Variants in COL14A1 observed in about 807,000 individuals in gnomAD.
COL14A1 encodes collagen type XIV alpha 1 chain.
A neutral mutation model predicts 230.3 loss-of-function variants in COL14A1; 136 were observed. The ratio of observed to expected loss-of-function variants is 0.59; its 90% CI spans 0.51 to 0.68. COL14A1 has a LOEUF of 0.68. Among genes scored for constraint, COL14A1 ranks in the 30% least tolerant of loss-of-function variants. The pLI, the probability that COL14A1 is intolerant of heterozygous loss-of-function variation, is 0.00. For synonymous variants in COL14A1, 792 were observed against 784.1 expected (o/e 1.01, Z -0.17); for missense variants, 1,976 against 2,215.8 (o/e 0.89, Z 2.17).
Position 120,228,773 on chromosome 8 carries a change from A to G in COL14A1, c.2197+4A>G, listed in dbSNP as rs1818170000. 6 of 1,613,258 alleles carry G rather than the reference A, an allele frequency of 3.7e-6. No homozygotes were observed. Among genetic ancestry groups the G allele is most frequent in the Non-Finnish European group, 5.1e-6 (6 of 1,179,340 alleles). ...CCTACCACATCTGTGACTTCAGGTAAGGTCAAATAGTAGCCTGCTTAACCA... is the reference window on the plus strand; with the variant it reads ...CCTACCACATCTGTGACTTCAGGTAGGGTCAAATAGTAGCCTGCTTAACCA... On this transcript the variant is annotated splice_donor_region_variant and intron_variant, in intron 18 of 47. Coordinates refer to ENST00000297848, the MANE Select transcript of COL14A1 (RefSeq NM_021110.4).
chr8:120,175,564 A>G (rs1161364859), intron 5 of COL14A1, among the ~76,000 whole-genome samples: 1 of 152,170 alleles, frequency 6.6e-6, no homozygotes, highest in East Asian at 1.9e-4. Context: ...GAAGTCAGCA[A>G]ACTATGGCCC....
At position 120,344,710 on chromosome 8, in the gene COL14A1, G is replaced by A. The variant is rs192006769; in HGVS notation, c.4889-665G>A. Among the ~76,000 whole-genome samples the A allele has an allele frequency of 5.5e-3, 834 of 152,234 alleles. 1 individual carries two copies. The highest frequency in any genetic ancestry group is 0.011 in the South Asian group (51 of 4,816). On this transcript the variant is annotated intron_variant, in intron 44 of 47. Coordinates refer to ENST00000297848, the MANE Select transcript of COL14A1 (RefSeq NM_021110.4). ...GTAAACTAGAAAATTCACTTATGTT[G>A]GGAAAACTCCTCTCCTAATGATGTT...
At chr8:120,359,183 C>A (rs1823097610) in intron 45 of COL14A1, among the ~76,000 whole-genome samples, 1 of 151,812 alleles carries the variant, frequency 6.6e-6, no homozygotes, top group Non-Finnish European at 1.5e-5. Flanking sequence ...AGGTTTTAAT[C>A]CCCGCATGCA....
chr8:120,160,084 G>A (rs77126746), intron 3 of COL14A1, among the ~76,000 whole-genome samples: 3,820 of 152,172 alleles, frequency 0.025, 56 homozygotes, highest in African/African-American at 0.039. Flanking sequence ...CCATGGTGGC[G>A]TACAGAAGTG....
intron 1 of COL14A1, among the ~76,000 whole-genome samples, chr8:120,138,001 A>T (rs1201291263): frequency 1.3e-5 from 2 of 152,062 alleles, no homozygotes; most frequent in East Asian, 3.9e-4. Context: ...TTTATGGCCC[A>T]GAATATGGCC....
chr8:120,273,459 G>T (rs1476987352), intron 26 of COL14A1, among the ~76,000 whole-genome samples: 1 of 151,506 alleles, frequency 6.6e-6, no homozygotes, highest in Non-Finnish European at 1.5e-5. Context: ...AGAACTAAAT[G>T]AAATTGAAAC....
intron 16 of COL14A1, 54 bp downstream of exon 16, chr8:120,226,820 C>A (rs1171890577): frequency 3.3e-6 from 5 of 1,530,670 alleles, no homozygotes; most frequent in African/African-American, 1.4e-5. Context: ...TGAATACCTA[C>A]TGCTGCTGGA....
At chr8:120,247,429 GA>G (rs10623652) in intron 20 of COL14A1, among the ~76,000 whole-genome samples, 183 bp from the exon 21 acceptor site, 11 of 149,774 alleles carry the variant, frequency 7.3e-5, no homozygotes, top group African/African-American at 2.7e-4. Context: ...TCTCAAAAAA[GA>G]AAAAAAAAAA....
chr8:120,147,006 C>T (rs2130461673), intron 1 of COL14A1, among the ~76,000 whole-genome samples: 1 of 152,012 alleles, frequency 6.6e-6, no homozygotes, highest in Non-Finnish European at 1.5e-5. Context: ...TTTTCCCCTC[C>T]AATTCTGCCT....
At chr8:120,370,408 T>G (rs1563762074) in intron 47 of COL14A1, 2 of 1,607,174 alleles carry the variant, frequency 1.2e-6, no homozygotes, top group Non-Finnish European at 1.7e-6. Flanking sequence ...CCCCAGACAT[T>G]TAGCTGTGGA....
At chr8:120,273,348 G>A (rs1015076343) in intron 26 of COL14A1, among the ~76,000 whole-genome samples, 2 of 151,530 alleles carry the variant, frequency 1.3e-5, no homozygotes, top group African/African-American at 4.8e-5. Flanking sequence ...GTCTGAAAAA[G>A]CACAAATTGG....
intron 35 of COL14A1, 27 bp from the exon 36 acceptor site, chr8:120,300,705 G>A: frequency 6.4e-7 from 1 of 1,571,158 alleles, no homozygotes; most frequent in Non-Finnish European, 8.7e-7. Context: ...GCATGCTAAT[G>A]GTTGTGCTTT....
Position 120,250,929 on chromosome 8 carries a change from T to C in COL14A1, c.2752+163T>C, listed in dbSNP as rs535477348. On this transcript the variant is annotated intron_variant, in intron 22 of 47. Coordinates refer to ENST00000297848, the MANE Select transcript of COL14A1 (RefSeq NM_021110.4). ...TTCAAGTGATTCTCCTGCCTCAGCC[T>C]CTCGAGTAGCTGGGATTACAGGCAC... Among the ~76,000 whole-genome samples, 140 of 152,314 alleles carry C rather than the reference T, an allele frequency of 9.2e-4. 1 individual carries two copies. Among genetic ancestry groups the C allele is most frequent in the African/African-American group, 3.2e-3 (134 of 41,584 alleles).
chr8:120,332,099 T>C (rs759754175), intron 40 of COL14A1, 42 bp from the exon 41 acceptor site: 6 of 1,595,722 alleles, frequency 3.8e-6, no homozygotes, highest in Non-Finnish European at 4.3e-6. Context: ...GAAAGCCATA[T>C]AAAGCAACCA....
intron 21 of COL14A1, among the ~76,000 whole-genome samples, chr8:120,248,142 A>T (rs1818819891): frequency 6.6e-6 from 1 of 152,124 alleles, no homozygotes; most frequent in Admixed American, 6.5e-5. Flanking sequence ...TACTTCTTGG[A>T]TTAGTTGGAA....
At position 120,328,410 on chromosome 8, in the gene COL14A1, T is replaced by C. The variant is rs575195829; in HGVS notation, c.4660-3731T>C. On this transcript the variant is annotated intron_variant, in intron 40 of 47. Coordinates refer to ENST00000297848, the MANE Select transcript of COL14A1 (RefSeq NM_021110.4). Reference sequence around the variant, plus strand: ...AATTTTTTTTTAATTTTTTTTTTTTTGGTAGAGATAGGGGTGTCTTTATGT... The same window carrying C: ...AATTTTTTTTTAATTTTTTTTTTTTCGGTAGAGATAGGGGTGTCTTTATGT... Among the ~76,000 whole-genome samples the C allele has an allele frequency of 1.3e-4, 20 of 151,394 alleles. No homozygotes were observed. The South Asian group carries it at 3.6e-3, about 27-fold the overall frequency.
intron 25 of COL14A1, among the ~76,000 whole-genome samples, chr8:120,267,434 C>T (rs1370500908): frequency 6.6e-6 from 1 of 151,878 alleles, no homozygotes; most frequent in Non-Finnish European, 1.5e-5. Context: ...TACATGATTG[C>T]TGCTCTCTGC....
At chr8:120,324,033 A>G (rs1821564017) in intron 40 of COL14A1, among the ~76,000 whole-genome samples, 1 of 152,166 alleles carries the variant, frequency 6.6e-6, no homozygotes, top group Admixed American at 6.6e-5. Flanking sequence ...GTACATGTGG[A>G]CACAAAGGAG....
At chr8:120,252,688 C>T (rs138826007) in intron 22 of COL14A1, among the ~76,000 whole-genome samples, 7 of 152,312 alleles carry the variant, frequency 4.6e-5, no homozygotes, top group East Asian at 1.9e-4. Flanking sequence ...ATGTATGTAA[C>T]GTGCTTACGA....
Sources: gnomAD v4.1 joint callset for allele counts (sites outside exome capture counted in the v4.1 genomes callset) on GRCh38, gnomAD v4.1.1 for gene constraint, MANE v1.5 for transcripts, NCBI Gene and HGNC (gene_info 2026-07-23, HGNC 2026-07-21) for gene names.